The following TCF12 variants were observed in gnomAD, a reference collection of about 807,000 sequenced individuals.
TCF12 encodes the protein DNA-binding protein HTF4.
Under a neutral mutation model 86.0 loss-of-function variants are expected in TCF12, and 45 were observed. The ratio of observed to expected loss-of-function variants is 0.52; its 90% CI spans 0.41 to 0.67. The LOEUF is 0.67. Ranked by LOEUF, TCF12 falls within the 30% of genes least tolerant of loss-of-function variation. The probability of loss-of-function intolerance (pLI) is 0.00; values close to 1 mark genes in which losing one functional copy is unlikely to be tolerated. For synonymous variants in TCF12, 330 were observed against 299.6 expected, an observed-to-expected ratio of 1.10 and a Z score of -1.05; for missense variants, 881 against 859.9, an observed-to-expected ratio of 1.02 and a Z score of -0.31.
intron 4 of TCF12, among the ~76,000 whole-genome samples, chr15:57,064,945 C>T (rs1484060196): frequency 6.6e-6 from 1 of 151,986 alleles, no homozygotes; most frequent in Admixed American, 6.6e-5. Flanking sequence ...AAGCAAATTG[C>T]CTTAATGGGA....
chr15:57,187,624 G>C (rs1184156272), intron 6 of TCF12, among the ~76,000 whole-genome samples: 1 of 152,076 alleles, frequency 6.6e-6, no homozygotes, highest in African/African-American at 2.4e-5. Context: ...CTGTGGGTTG[G>C]ACAAGCTTGT....
At chr15:57,013,795 A>G (rs530094512) in intron 3 of TCF12, among the ~76,000 whole-genome samples, 1 of 152,360 alleles carries the variant, frequency 6.6e-6, no homozygotes, top group South Asian at 2.1e-4. Flanking sequence ...CTAAATTTCT[A>G]AATTACAAGT....
At chr15:57,265,886 A>C (rs1436229305) in intron 18 of TCF12, among the ~76,000 whole-genome samples, 1 of 152,168 alleles carries the variant, frequency 6.6e-6, no homozygotes, top group African/African-American at 2.4e-5. Flanking sequence ...CCACAGCTAC[A>C]TTACTATATA....
chr15:57,270,430 AT>A (rs1377950109), intron 18 of TCF12, among the ~76,000 whole-genome samples: 5 of 152,146 alleles, frequency 3.3e-5, no homozygotes, highest in African/African-American at 1.2e-4. Flanking sequence ...GGTCTTCTCT[AT>A]GCTGGATATT....
At chr15:57,063,922 C>A in intron 4 of TCF12, 99 bp downstream of exon 4, 1 of 997,540 alleles carries the variant, frequency 1.0e-6, no homozygotes, top group Non-Finnish European at 1.5e-6. Context: ...AAATTAATTT[C>A]TTTTCATGGA....
intron 5 of TCF12, among the ~76,000 whole-genome samples, chr15:57,142,362 T>C (rs1332158861): frequency 7.7e-6 from 1 of 129,610 alleles, no homozygotes; most frequent in African/African-American, 2.7e-5. Context: ...TATAACTGTG[T>C]TACATATATA....
intron 3 of TCF12, among the ~76,000 whole-genome samples, chr15:56,967,998 C>T (rs1048357614): frequency 1.3e-5 from 2 of 152,092 alleles, no homozygotes; most frequent in Non-Finnish European, 2.9e-5. Flanking sequence ...CTCTGTGGCC[C>T]AGGGTGGAGT....
chr15:57,267,731 G>A (rs566483100), intron 18 of TCF12, among the ~76,000 whole-genome samples: 65 of 152,252 alleles, frequency 4.3e-4, no homozygotes, highest in African/African-American at 1.6e-3. Flanking sequence ...TCAGAAATTA[G>A]GAGGCAGTGT....
intron 3 of TCF12, among the ~76,000 whole-genome samples, chr15:57,002,072 GT>G (rs755674092): frequency 3.3e-5 from 5 of 152,172 alleles, no homozygotes; most frequent in Non-Finnish European, 7.3e-5. Flanking sequence ...TCTAAATATA[GT>G]TTTCATTGTC....
intron 1 of TCF12, 115 bp downstream of exon 1, chr15:56,919,021 C>G (rs1488451395): frequency 1.3e-5 from 2 of 151,902 alleles, no homozygotes; most frequent in Non-Finnish European, 2.9e-5. Flanking sequence ...CAACTCCGCG[C>G]CCCTTTGTAC....
At chr15:56,995,882 TC>T (rs758224871) in intron 3 of TCF12, among the ~76,000 whole-genome samples, 6 of 152,182 alleles carry the variant, frequency 3.9e-5, no homozygotes, top group Non-Finnish European at 8.8e-5. Flanking sequence ...GGGGAATGCT[TC>T]CAGCTTTTGC....
chr15:56,919,755 TG>T, intron 1 of TCF12, 136 bp from the exon 2 acceptor site: 1 of 669,780 alleles, frequency 1.5e-6, no homozygotes, highest in South Asian at 2.0e-5. Context: ...CGCGCCGCGG[TG>T]GGAGCGAGTC....
chr15:57,215,448 G>T (rs912552305), intron 8 of TCF12, among the ~76,000 whole-genome samples: 2 of 152,030 alleles, frequency 1.3e-5, no homozygotes. Context: ...GTGTTCATTC[G>T]TGGAGTTATT....
At chr15:57,108,492 G>A (rs1736979431) in intron 5 of TCF12, among the ~76,000 whole-genome samples, 1 of 152,066 alleles carries the variant, frequency 6.6e-6, no homozygotes, top group South Asian at 2.1e-4. Context: ...CTAAAATGAT[G>A]ATTCTACTTA....
intron 5 of TCF12, among the ~76,000 whole-genome samples, chr15:57,121,161 C>T (rs948402406): frequency 2.0e-5 from 3 of 152,134 alleles, no homozygotes; most frequent in African/African-American, 7.2e-5. Context: ...ATGACATCTA[C>T]CAGTGAGGCT....
intron 8 of TCF12, among the ~76,000 whole-genome samples, chr15:57,229,525 G>T: frequency 6.6e-6 from 1 of 151,332 alleles, no homozygotes. Flanking sequence ...AAAGTCACCT[G>T]TGCTAGTATT....
At chr15:57,284,356 C>G (rs1447982855) in intron 20 of TCF12, among the ~76,000 whole-genome samples, 1 of 152,016 alleles carries the variant, frequency 6.6e-6, no homozygotes, top group Non-Finnish European at 1.5e-5. Flanking sequence ...TACAGACATA[C>G]ACCACCACGC....
intron 19 of TCF12, among the ~76,000 whole-genome samples, chr15:57,280,686 G>A (rs963784528): frequency 2.0e-5 from 3 of 152,072 alleles, no homozygotes; most frequent in Non-Finnish European, 2.9e-5. Context: ...TCTGGGCAAC[G>A]TAGTGAGACC....
intron 5 of TCF12, among the ~76,000 whole-genome samples, chr15:57,107,581 T>C (rs2151209243): frequency 6.6e-6 from 1 of 152,158 alleles, no homozygotes; most frequent in South Asian, 2.1e-4. Flanking sequence ...GGGGGGATAA[T>C]GATGTGTCAA....
Sources: allele counts gnomAD v4.1 joint callset (sites outside exome capture counted in the v4.1 genomes callset), GRCh38; gene constraint gnomAD v4.1.1; transcripts MANE v1.5; gene names NCBI Gene and HGNC (gene_info 2026-07-23, HGNC 2026-07-21).